SNTG1: variants seen among roughly 807,000 people sequenced by gnomAD.
SNTG1 encodes syntrophin gamma 1, also known as gamma-1-syntrophin.
In SNTG1, 39 loss-of-function variants were observed where a neutral mutation model predicts 74.7. That is an observed-to-expected ratio of 0.52 (90% CI 0.40 to 0.68). SNTG1 has a LOEUF of 0.68. Ranked by LOEUF, SNTG1 falls within the 30% of genes least tolerant of loss-of-function variation. The probability of loss-of-function intolerance (pLI) is 0.00; values close to 1 mark genes in which losing one functional copy is unlikely to be tolerated. For missense variants in SNTG1, 685 were observed against 609.5 expected (o/e 1.12, Z -1.30); for synonymous variants, 254 against 217.1 (o/e 1.17, Z -1.49).
At chr8:50,661,705 C>T (rs1272002063) in intron 15 of SNTG1, among the ~76,000 whole-genome samples, 4 of 152,064 alleles carry the variant, frequency 2.6e-5, no homozygotes, top group Admixed American at 6.6e-5. Flanking sequence ...TCCCCTTGCC[C>T]CCAACCTCCC....
In SNTG1 at chr8:50,444,764, A is replaced by AAAAAAAAAG. The variant is rs71233494; in HGVS notation, c.220-4901_220-4900insAAAAAGAAA. Among the ~76,000 whole-genome samples, 170 of 140,060 alleles carry AAAAAAAAAG rather than the reference A, an allele frequency of 1.2e-3. 4 individuals carry two copies. Among genetic ancestry groups the AAAAAAAAAG allele is most frequent in the East Asian group, 2.1e-3 (10 of 4,718 alleles). 91.9% of individuals were successfully genotyped at this position (140,060 alleles called of 152,430 possible). On this transcript the variant is annotated intron_variant, in intron 5 of 18. Coordinates refer to ENST00000642720, the MANE Select transcript of SNTG1 (RefSeq NM_018967.5). ...GACTCCATCTCAGAAAAAAAAAAAA[A>AAAAAAAAAG]AAAGAAAGAGATAACAAGCATACAG...
At chr8:49,938,552 C>CTTTTG (rs1177979938) in intron 1 of SNTG1, among the ~76,000 whole-genome samples, 11 of 45,864 alleles carry the variant, frequency 2.4e-4, no homozygotes, top group African/African-American at 8.5e-4. Flanking sequence ...GCCTTCTTTT[C>CTTTTG]TTTTGTTTTC....
chr8:50,211,099 T>G (rs1189659006), intron 2 of SNTG1, among the ~76,000 whole-genome samples: 2 of 152,134 alleles, frequency 1.3e-5, no homozygotes, highest in African/African-American at 4.8e-5. Context: ...ATCAGAAATA[T>G]GTAATGTAGT....
At chr8:50,178,599 A>G (rs1171750552) in intron 2 of SNTG1, among the ~76,000 whole-genome samples, 1 of 152,196 alleles carries the variant, frequency 6.6e-6, no homozygotes, top group Non-Finnish European at 1.5e-5. Flanking sequence ...TCCTCTATTT[A>G]TCTGCAAAAT....
rs773242652 is a variant in SNTG1, at chr8:50,792,830, C to G, written c.*1C>G. 2 of 1,610,850 alleles carry G rather than the reference C, an allele frequency of 1.2e-6. No individual in the cohort carries two copies. Among genetic ancestry groups the G allele is most frequent in the African/African-American group, 2.7e-5 (2 of 74,776 alleles). On this transcript the variant is annotated 3_prime_UTR_variant, in exon 19 of 19. Coordinates refer to ENST00000642720, the MANE Select transcript of SNTG1 (RefSeq NM_018967.5). ...GAGCAAAGCAAAGTATACAACTTGACATACTGAACTCTTCATTGACACACC... is the reference window on the plus strand; with the variant it reads ...GAGCAAAGCAAAGTATACAACTTGAGATACTGAACTCTTCATTGACACACC...
At chr8:50,707,322 A>G (rs1020201159) in intron 16 of SNTG1, among the ~76,000 whole-genome samples, 1 of 152,122 alleles carries the variant, frequency 6.6e-6, no homozygotes, top group South Asian at 2.1e-4. Flanking sequence ...GGCCTTAAAC[A>G]TTCCTTAATG....
intron 5 of SNTG1, among the ~76,000 whole-genome samples, chr8:50,444,004 G>C (rs2093382398): frequency 6.6e-6 from 1 of 152,058 alleles, no homozygotes; most frequent in African/African-American, 2.4e-5. Flanking sequence ...TGGGCATGGT[G>C]GCACATGCCT....
intron 16 of SNTG1, among the ~76,000 whole-genome samples, chr8:50,706,703 CTTAT>C (rs1335353786): frequency 1.3e-5 from 2 of 151,986 alleles, no homozygotes; most frequent in African/African-American, 2.4e-5. Context: ...TTTTATAACT[CTTAT>C]TTATTTACCA....
Position 50,553,144 on chromosome 8 carries a change from A to G in SNTG1, c.775A>G (p.Ile259Val). The part of the protein sequence containing the change: ...AEDCVDWLQA[I>V]ATNISNLTKH... ...AGACTGCGTTGACTGGCTACAAGCAATAGCAACTAACATTTCAAATCTCAC... is the reference window on the plus strand; with the variant it reads ...AGACTGCGTTGACTGGCTACAAGCAGTAGCAACTAACATTTCAAATCTCAC... The change falls in exon 12 of 19, where the codon ATA becomes GTA. Residue 259 changes from isoleucine to valine, a missense_variant. Physicochemically the swap from Ile to Val is conservative, Grantham distance 29 (BLOSUM62 3). Transcript: ENST00000642720. 1.2e-6 allele frequency: 2 copies of G among 1,613,920 alleles called. No homozygotes were observed. The highest frequency in any genetic ancestry group is 1.7e-6 in the Non-Finnish European group (2 of 1,179,872).
chr8:50,713,157 G>T (rs181738950), intron 17 of SNTG1, among the ~76,000 whole-genome samples: 2 of 152,276 alleles, frequency 1.3e-5, no homozygotes, highest in East Asian at 3.9e-4. Flanking sequence ...ATCCTCGCCA[G>T]CATCTGTTGT....
rs528423867 is a variant in SNTG1 at position 50,740,383 on chromosome 8, C to A, written c.1285-11618C>A. On this transcript the variant is annotated intron_variant, in intron 17 of 18. Transcript: ENST00000642720. Reference sequence around the variant, plus strand: ...CATATGAAAAAAAAAAAAACCTCAACATCACTGATTATTAGAGAAATGCAA... The same window carrying A: ...CATATGAAAAAAAAAAAAACCTCAAAATCACTGATTATTAGAGAAATGCAA... Among the ~76,000 whole-genome samples the A allele has an allele frequency of 1.1e-3, 156 of 148,146 alleles. 1 individual carries two copies. Among genetic ancestry groups the A allele is most frequent in the Non-Finnish European group, 1.9e-3 (129 of 67,254 alleles).
intron 9 of SNTG1, among the ~76,000 whole-genome samples, chr8:50,515,416 G>GTTTTT (rs148621726): frequency 1.9e-5 from 1 of 52,116 alleles, no homozygotes; most frequent in Non-Finnish European, 5.2e-5. Context: ...TTTTTTTTTT[G>GTTTTT]TTACTCCAGT....
At chr8:50,376,425 G>GA (rs908566611) in intron 2 of SNTG1, among the ~76,000 whole-genome samples, 11 of 151,320 alleles carry the variant, frequency 7.3e-5, no homozygotes, top group Admixed American at 4.0e-4. Context: ...ATAATTTTGT[G>GA]AAAAAAAATA....
intron 2 of SNTG1, among the ~76,000 whole-genome samples, chr8:50,202,314 TAA>T (rs1318867291): frequency 6.6e-6 from 1 of 152,160 alleles, no homozygotes; most frequent in Non-Finnish European, 1.5e-5. Context: ...GTTAATGTTC[TAA>T]ATAATCTCCT....
At chr8:49,951,953 T>G (rs897442998) in intron 1 of SNTG1, among the ~76,000 whole-genome samples, 4 of 144,970 alleles carry the variant, frequency 2.8e-5, no homozygotes, top group Non-Finnish European at 6.0e-5. Flanking sequence ...AAGGGAGTAG[T>G]AAGGGTAGGT....
At chr8:50,588,119 C>CAAA (rs201985462) in intron 12 of SNTG1, among the ~76,000 whole-genome samples, 5 of 117,152 alleles carry the variant, frequency 4.3e-5, no homozygotes, top group African/African-American at 9.5e-5. Flanking sequence ...GACTCCGACT[C>CAAA]AAAAAAAAAA....
At chr8:50,567,910 C>T (rs1337808843) in intron 12 of SNTG1, among the ~76,000 whole-genome samples, 1 of 152,008 alleles carries the variant, frequency 6.6e-6, no homozygotes, top group Non-Finnish European at 1.5e-5. Flanking sequence ...TTGTTATTTG[C>T]TCTAGTCACC....
At chr8:50,272,955 G>A (rs1251125656) in intron 2 of SNTG1, among the ~76,000 whole-genome samples, 10 of 151,576 alleles carry the variant, frequency 6.6e-5, no homozygotes, top group Non-Finnish European at 1.3e-4. Context: ...TATTACCCAG[G>A]CTGGTCTAGA....
intron 2 of SNTG1, among the ~76,000 whole-genome samples, chr8:50,336,408 G>C (rs918052121): frequency 6.6e-6 from 1 of 152,186 alleles, no homozygotes; most frequent in African/African-American, 2.4e-5. Context: ...TATGTGAATT[G>C]AGAGGTATTA....
Sources: gnomAD v4.1 joint callset for allele counts (sites outside exome capture counted in the v4.1 genomes callset) on GRCh38, gnomAD v4.1.1 for gene constraint, MANE v1.5 for transcripts, NCBI Gene and HGNC (gene_info 2026-07-23, HGNC 2026-07-21) for gene names.